EPHB1: variants seen among roughly 807,000 people sequenced by gnomAD.
EPHB1 encodes ephrin type-B receptor 1.
A neutral mutation model predicts 94.4 loss-of-function variants in EPHB1; 30 were observed. That is an observed-to-expected ratio of 0.32 (90% CI 0.24 to 0.43). The LOEUF is 0.43. Among genes scored for constraint, EPHB1 ranks in the 20% least tolerant of loss-of-function variants. The probability of loss-of-function intolerance (pLI) is 1.00; values close to 1 mark genes in which losing one functional copy is unlikely to be tolerated. For missense variants in EPHB1, 1,055 were observed against 1,308.3 expected, an observed-to-expected ratio of 0.81 and a Z score of 2.99; for synonymous variants, 522 against 489.1, an observed-to-expected ratio of 1.07 and a Z score of -0.89.
intron 1 of EPHB1, among the ~76,000 whole-genome samples, chr3:134,895,010 C>T (rs1326025478): frequency 6.6e-6 from 1 of 152,226 alleles, no homozygotes; most frequent in African/African-American, 2.4e-5. Context: ...CAGCCTTGGG[C>T]TTCTGCATTG....
At chr3:135,183,021 TTTTCTTTTCTTTC>T (rs1285075173) in intron 10 of EPHB1, among the ~76,000 whole-genome samples, 1,703 of 72,842 alleles carry the variant, frequency 0.023, 13 homozygotes, top group Middle Eastern at 0.053. Flanking sequence ...TTTTCTTTTC[TTTTCTTTTCTTTC>T]TTTCTTTCTT....
intron 2 of EPHB1, among the ~76,000 whole-genome samples, chr3:134,942,037 G>T (rs527508013): frequency 1.3e-5 from 2 of 152,318 alleles, no homozygotes; most frequent in Admixed American, 6.5e-5. Flanking sequence ...ATCCATTTGT[G>T]TCAAAATAGT....
At position 134,947,603 on chromosome 3, in the gene EPHB1, G is replaced by A. The variant is rs1221426726; in HGVS notation, c.124-3768G>A. Among the ~76,000 whole-genome samples the A allele has an allele frequency of 2.0e-5, 3 of 152,272 alleles. No individual in the cohort carries two copies. In the East Asian group the frequency reaches 5.8e-4, roughly 29 times the overall value. On this transcript the variant is annotated intron_variant, in intron 2 of 15. Transcript: ENST00000398015. ...AGCTGTCATGGAATCAATTAGATCT[G>A]TAGAATTTTACAACTCAGGGTCACC...
chr3:134,854,495 A>G (rs527959783), intron 1 of EPHB1, among the ~76,000 whole-genome samples: 1 of 152,188 alleles, frequency 6.6e-6, no homozygotes, highest in Admixed American at 6.5e-5. Context: ...GGAGCTTTAG[A>G]ACAGCCTGTG....
intron 3 of EPHB1, among the ~76,000 whole-genome samples, chr3:135,088,298 T>G (rs965558510): frequency 1.3e-5 from 2 of 152,156 alleles, no homozygotes; most frequent in African/African-American, 4.8e-5. Context: ...TATACCTCCA[T>G]GACAGAGTAG....
chr3:135,054,040 T>TATATATATATATACAC (rs377064799), intron 3 of EPHB1, among the ~76,000 whole-genome samples: 7 of 139,812 alleles, frequency 5.0e-5, no homozygotes, highest in African/African-American at 1.9e-4. Context: ...TATATATATA[T>TATATATATATATACAC]ACACACACAC....
At position 134,970,840 on chromosome 3, in the gene EPHB1, C is replaced by T. The variant is rs116481414; in HGVS notation, c.805+18788C>T. Among the ~76,000 whole-genome samples the T allele has an allele frequency of 3.3e-3, 505 of 152,322 alleles. 1 individual carries two copies. The highest frequency in any genetic ancestry group is 0.011 in the African/African-American group (473 of 41,576). Reference sequence around the variant, plus strand: ...TTAATGCTCCGAAGCTCTTCTCTCACTCACCCGCCTACCATATTGAATGAG... The same window carrying T: ...TTAATGCTCCGAAGCTCTTCTCTCATTCACCCGCCTACCATATTGAATGAG... On this transcript the variant is annotated intron_variant, in intron 3 of 15. Coordinates refer to ENST00000398015, the MANE Select transcript of EPHB1 (RefSeq NM_004441.5).
chr3:135,118,290 T>G (rs954243662), intron 4 of EPHB1, among the ~76,000 whole-genome samples: 8 of 152,202 alleles, frequency 5.3e-5, no homozygotes, highest in Non-Finnish European at 1.0e-4. Context: ...CACTACTCAG[T>G]GATAGCTGAT....
intron 3 of EPHB1, among the ~76,000 whole-genome samples, chr3:134,973,639 C>T (rs918110233): frequency 7.9e-5 from 12 of 152,100 alleles, no homozygotes; most frequent in Middle Eastern, 3.4e-3. Flanking sequence ...ACCATGTTGG[C>T]CAGGCTAGTC....
chr3:135,032,563 G>A (rs1936512788), intron 3 of EPHB1, among the ~76,000 whole-genome samples: 1 of 152,028 alleles, frequency 6.6e-6, no homozygotes, highest in Non-Finnish European at 1.5e-5. Context: ...GAGCACCCAG[G>A]CCATCTCTTC....
intron 12 of EPHB1, among the ~76,000 whole-genome samples, chr3:135,226,601 C>A (rs550841167): frequency 3.9e-5 from 6 of 152,282 alleles, no homozygotes; most frequent in East Asian, 3.9e-4. Flanking sequence ...TGGCTCTGCA[C>A]GGCTGTGATA....
intron 1 of EPHB1, among the ~76,000 whole-genome samples, chr3:134,876,331 C>T (rs937907303): frequency 3.3e-5 from 5 of 152,314 alleles, no homozygotes; most frequent in South Asian, 2.1e-4. Flanking sequence ...CAGTTTCTTG[C>T]CCAGCCTGTA....
rs142079094 is a variant in EPHB1 at position 135,042,660 on chromosome 3, G to A, written c.806-63788G>A. Among the ~76,000 whole-genome samples, 651 of 152,158 alleles carry A rather than the reference G, an allele frequency of 4.3e-3. 1 individual carries two copies. Among genetic ancestry groups the A allele is most frequent in the Middle Eastern group, 0.024 (7 of 294 alleles). On this transcript the variant is annotated intron_variant, in intron 3 of 15. Coordinates refer to ENST00000398015, the MANE Select transcript of EPHB1 (RefSeq NM_004441.5). Reference sequence around the variant, plus strand: ...GAGTTTGCAAGGCAGCCTTCACTGGGCTGATTGTTTCCTCTTGAAAAATTC... The same window carrying A: ...GAGTTTGCAAGGCAGCCTTCACTGGACTGATTGTTTCCTCTTGAAAAATTC...
At chr3:135,142,448 G>A (rs1360363760) in intron 5 of EPHB1, among the ~76,000 whole-genome samples, 1 of 152,126 alleles carries the variant, frequency 6.6e-6, no homozygotes, top group Non-Finnish European at 1.5e-5. Flanking sequence ...AAAAGATAAA[G>A]GCAACATATG....
intron 1 of EPHB1, among the ~76,000 whole-genome samples, chr3:134,868,630 G>A (rs1273530744): frequency 6.6e-6 from 1 of 152,174 alleles, no homozygotes; most frequent in African/African-American, 2.4e-5. Context: ...TACTGAGTGT[G>A]AGACTGACTC....
At chr3:135,042,227 G>A (rs1485674229) in intron 3 of EPHB1, among the ~76,000 whole-genome samples, 4 of 152,028 alleles carry the variant, frequency 2.6e-5, no homozygotes, top group African/African-American at 9.7e-5. Flanking sequence ...CACCATACCC[G>A]GCCTCATCTT....
chr3:134,927,135 C>T (rs2038810185), intron 2 of EPHB1, among the ~76,000 whole-genome samples: 1 of 152,160 alleles, frequency 6.6e-6, no homozygotes, highest in Non-Finnish European at 1.5e-5. Flanking sequence ...TCTCTGCGTC[C>T]CATCCCTGTA....
chr3:135,118,920 G>T (rs1165699418), intron 4 of EPHB1, among the ~76,000 whole-genome samples: 1 of 152,180 alleles, frequency 6.6e-6, no homozygotes, highest in Admixed American at 6.5e-5. Context: ...AAATAGAATT[G>T]CTGGGCTACG....
At chr3:135,245,805 C>CAAAAAA (rs34702210) in intron 13 of EPHB1, among the ~76,000 whole-genome samples, 32 of 26,650 alleles carry the variant, frequency 1.2e-3, no homozygotes, top group Non-Finnish European at 1.5e-3. Context: ...GACACCATCT[C>CAAAAAA]AAAAAAAAAA....
Sources: allele counts gnomAD v4.1 joint callset (sites outside exome capture counted in the v4.1 genomes callset), GRCh38; gene constraint gnomAD v4.1.1; transcripts MANE v1.5; gene names NCBI Gene and HGNC (gene_info 2026-07-23, HGNC 2026-07-21).